P2RY14: variants seen among roughly 807,000 people sequenced by gnomAD.
P2RY14 encodes P2Y purinoceptor 14.
Under a neutral mutation model 0.9 loss-of-function variants are expected in P2RY14, and 2 were observed. The observed-to-expected ratio is 2.16, with a 90% CI of 0.88 to 6.79. The LOEUF (loss-of-function observed/expected upper bound fraction) is 6.79, where lower values mean the gene tolerates loss of function less well. Among genes scored for constraint, P2RY14 ranks in the 30% most tolerant of loss-of-function variants. The pLI is 0.05. For synonymous variants in P2RY14, 158 were observed against 147.2 expected, an observed-to-expected ratio of 1.07 and a Z score of -0.53; for missense variants, 378 against 400.1, an observed-to-expected ratio of 0.94 and a Z score of 0.47.
rs765059603 is a variant in P2RY14 at position 151,248,760 on chromosome 3, A to AT, written c.-132-29119dup. On this transcript the variant is annotated intron_variant, in intron 1 of 2. Transcript: ENST00000309170. ...AGCCTATAACTCTGTGACTCCATCC[A>AT]TTAAAAAAAAATTTAGGATGTCAGC... The AT allele has an allele frequency of 4.0e-4, 61 of 152,310 alleles. 1 individual carries two copies. The Middle Eastern group carries it at 0.01, about 25-fold the overall frequency. The allele number at this position is 152,310 out of a possible 1,614,324, so 9.4% of individuals were successfully genotyped here.
chr3:151,249,627 A>C (rs1736448952), intron 1 of P2RY14, among the ~76,000 whole-genome samples: 1 of 151,906 alleles, frequency 6.6e-6, no homozygotes, highest in Non-Finnish European at 1.5e-5. Context: ...TACCTCTTCT[A>C]CTCCATCTGT....
At chr3:151,273,537 G>A (rs573468922) in intron 1 of P2RY14, among the ~76,000 whole-genome samples, 13 of 151,502 alleles carry the variant, frequency 8.6e-5, no homozygotes, top group South Asian at 2.1e-4. Flanking sequence ...CACTGCGCCC[G>A]GCCTGATTGT....
At chr3:151,270,370 C>T (rs1330050746) in intron 1 of P2RY14, among the ~76,000 whole-genome samples, 1 of 151,960 alleles carries the variant, frequency 6.6e-6, no homozygotes, top group African/African-American at 2.4e-5. Flanking sequence ...CCTTTCTGTT[C>T]CAAATTCATT....
At chr3:151,248,680 C>A (rs1488265047) in intron 1 of P2RY14, among the ~76,000 whole-genome samples, 1 of 152,014 alleles carries the variant, frequency 6.6e-6, no homozygotes, top group Non-Finnish European at 1.5e-5. Flanking sequence ...AGGATACTTA[C>A]AAGGAAAATT....
At chr3:151,232,826 A>G (rs961078649) in intron 1 of P2RY14, among the ~76,000 whole-genome samples, 2 of 152,166 alleles carry the variant, frequency 1.3e-5, no homozygotes, top group African/African-American at 4.8e-5. Flanking sequence ...AAAGATAACT[A>G]TTGGGTACTA....
At chr3:151,219,781 T>C (rs1363292964) in intron 1 of P2RY14, 139 bp from the exon 2 acceptor site, 1 of 152,132 alleles carries the variant, frequency 6.6e-6, no homozygotes, top group Non-Finnish European at 1.5e-5. Context: ...TGTTTCACTA[T>C]ACTTGCTATT....
chr3:151,213,498 C>A lies in P2RY14; in HGVS notation c.819G>T (p.Leu273Phe). 1.2e-6 allele frequency: 2 copies of A among 1,614,086 alleles called. No individual in the cohort carries two copies. The highest frequency in any genetic ancestry group is 1.7e-6 in the Non-Finnish European group (2 of 1,179,988). ...GCAGAGTGAATTCTTTCATATACCG[C>A]AAGATTTCTTTTGACTGGCAGCTGT... ...AHYSCQSKEI[L>F]RYMKEFTLLL... Residue 273 changes from leucine (L) to phenylalanine (F), a missense_variant, in exon 3 of 3, where the codon TTG (leucine) becomes TTT (phenylalanine). By Grantham distance (22) the Leu-to-Phe change is conservative. Transcript: ENST00000309170.
At chr3:151,218,646 A>C (rs1728704547) in intron 2 of P2RY14, among the ~76,000 whole-genome samples, 1 of 152,066 alleles carries the variant, frequency 6.6e-6, no homozygotes, top group Non-Finnish European at 1.5e-5. Context: ...AGGTGGGTGG[A>C]TCACGAGGTC....
At position 151,213,229 on chromosome 3, in the gene P2RY14, T is replaced by G; in HGVS notation, c.*71A>C. 1 of 1,168,194 alleles carries G rather than the reference T, an allele frequency of 8.6e-7. No individual in the cohort carries two copies. The highest frequency in any genetic ancestry group is 1.5e-5 in the African/African-American group (1 of 64,990). The allele number at this position is 1,168,194 out of a possible 1,614,324, so 72.4% of individuals were successfully genotyped here. A position where few individuals can be genotyped will look rare whatever the true frequency, so the allele number is the denominator to read the frequency against. ...ATATTTATGATGAGGGCACATATCT[T>G]ATTGATTTCTGTTATGTAATTGAAG... On this transcript the variant is annotated 3_prime_UTR_variant, in exon 3 of 3. Transcript: ENST00000309170.
chr3:151,242,515 C>T (rs1167388933), intron 1 of P2RY14, among the ~76,000 whole-genome samples: 4 of 152,204 alleles, frequency 2.6e-5, no homozygotes, highest in African/African-American at 4.8e-5. Context: ...ACACTGACAC[C>T]TCACACAGCA....
At chr3:151,242,134 G>A (rs1288735145) in intron 1 of P2RY14, among the ~76,000 whole-genome samples, 7 of 152,332 alleles carry the variant, frequency 4.6e-5, no homozygotes, top group African/African-American at 1.7e-4. Context: ...CGCCCATGGA[G>A]TCTCGCTGAT....
intron 1 of P2RY14, among the ~76,000 whole-genome samples, chr3:151,219,903 CCCTT>C (rs1729001831): frequency 7.3e-6 from 1 of 136,724 alleles, no homozygotes; most frequent in Admixed American, 7.3e-5. Context: ...CCCCCCCCCC[CCCTT>C]GGATATGGAT....
intron 2 of P2RY14, 90 bp from the exon 3 acceptor site, chr3:151,214,430 T>C (rs1727790490): frequency 5.8e-6 from 5 of 859,340 alleles, no homozygotes; most frequent in Non-Finnish European, 7.2e-6. Context: ...ATGAATATAG[T>C]CAAACCTACC....
chr3:151,219,072 T>G (rs1312003052), intron 2 of P2RY14, among the ~76,000 whole-genome samples: 1 of 152,030 alleles, frequency 6.6e-6, no homozygotes, highest in Non-Finnish European at 1.5e-5. Context: ...CAGAATGAGA[T>G]TTATGAGGCC....
chr3:151,234,725 C>A (rs1732373479), intron 1 of P2RY14, among the ~76,000 whole-genome samples: 1 of 152,210 alleles, frequency 6.6e-6, no homozygotes, highest in Non-Finnish European at 1.5e-5. Context: ...CCTGTATGTT[C>A]TTAACTTGGT....
intron 1 of P2RY14, among the ~76,000 whole-genome samples, chr3:151,276,231 A>T (rs1741831665): frequency 6.6e-6 from 1 of 152,166 alleles, no homozygotes; most frequent in African/African-American, 2.4e-5. Flanking sequence ...ATTGTTTCTG[A>T]TTCTGTAGGT....
In P2RY14 at chr3:151,213,303, C is replaced by T. The variant is rs373092950; in HGVS notation, c.1014G>A (p.Leu338=). The T allele has an allele frequency of 2.5e-6, 4 of 1,597,454 alleles. No individual in the cohort carries two copies. Among genetic ancestry groups the T allele is most frequent in the Non-Finnish European group, 3.4e-6 (4 of 1,173,440 alleles). The stretch of plus-strand genomic sequence containing the variant: ...TTCTTTGGAAGAGGGTAGGAACTCA[C>T]AAAGTATCTGTGCTTTCAAGTGTTG... ...GNTTLESTDT[L] is the part of the protein sequence containing the mutation. Residue 338 remains leucine, a synonymous_variant, in exon 3 of 3, where the codon TTG becomes TTA. Coordinates refer to ENST00000309170, the MANE Select transcript of P2RY14 (RefSeq NM_014879.4).
chr3:151,227,297 C>T (rs931920088), intron 1 of P2RY14, among the ~76,000 whole-genome samples: 8 of 152,300 alleles, frequency 5.3e-5, no homozygotes, highest in East Asian at 3.9e-4. Flanking sequence ...AGCATAAATT[C>T]GGCCCTCTCT....
chr3:151,247,947 T>TTTC (rs1203197867), intron 1 of P2RY14, among the ~76,000 whole-genome samples: 47 of 131,516 alleles, frequency 3.6e-4, no homozygotes, highest in Non-Finnish European at 4.3e-4. Context: ...GTTTACTTTC[T>TTTC]TTCTTCTTCT....
Sources: allele counts gnomAD v4.1 joint callset (sites outside exome capture counted in the v4.1 genomes callset), GRCh38; gene constraint gnomAD v4.1.1; transcripts MANE v1.5; gene names NCBI Gene and HGNC (gene_info 2026-07-23, HGNC 2026-07-21).